Variants in HEATR5B observed in about 807,000 individuals in gnomAD.
The protein encoded by HEATR5B is HEAT repeat containing 5B.
HEATR5B carries 156 observed loss-of-function variants against 224.1 expected under a neutral mutation model. The observed-to-expected ratio is 0.70, with a 90% confidence interval of 0.61 to 0.80. HEATR5B has a LOEUF of 0.80. HEATR5B is among the 30% of genes least tolerant of loss of function. HEATR5B has a pLI of 0.00. For missense variants in HEATR5B, 2,323 were observed against 2,535.5 expected (o/e 0.92, Z 1.80); for synonymous variants, 1,027 against 893.0 (o/e 1.15, Z -2.68).
intron 33 of HEATR5B, among the ~76,000 whole-genome samples, chr2:36,996,577 C>T (rs13420311): frequency 0.51 from 77,007 of 151,574 alleles, 19,689 homozygotes; most frequent in South Asian, 0.56. Context: ...CCACCATGCC[C>T]GGCTAATTTT....
intron 24 of HEATR5B, among the ~76,000 whole-genome samples, chr2:37,022,567 G>A (rs1220673486): frequency 6.6e-6 from 1 of 152,202 alleles, no homozygotes; most frequent in Non-Finnish European, 1.5e-5. Context: ...TGAGTGTGCT[G>A]TGCTCCAATA....
intron 8 of HEATR5B, 82 bp downstream of exon 8, chr2:37,068,599 G>T: frequency 7.1e-7 from 1 of 1,406,076 alleles, no homozygotes; most frequent in Non-Finnish European, 9.8e-7. Flanking sequence ...AAACTAATCA[G>T]TCTTATGGAT....
intron 35 of HEATR5B, among the ~76,000 whole-genome samples, chr2:36,984,225 T>TATATATATATATATATATATATATATA (rs1242428169): frequency 2.4e-4 from 18 of 75,248 alleles, no homozygotes; most frequent in African/African-American, 1.1e-3. Context: ...AATATATATA[T>TATATATATATATATATATATATATATA]ATATATATAT....
At chr2:37,016,110 TTTC>T (rs1668098192) in intron 26 of HEATR5B, among the ~76,000 whole-genome samples, 1 of 134,810 alleles carries the variant, frequency 7.4e-6, no homozygotes, top group Non-Finnish European at 1.6e-5. Flanking sequence ...ATGTCCTTAC[TTTC>T]TTTTTTTTTT....
intron 33 of HEATR5B, among the ~76,000 whole-genome samples, chr2:36,997,270 G>C (rs1572758573): frequency 6.6e-6 from 1 of 151,868 alleles, no homozygotes; most frequent in Non-Finnish European, 1.5e-5. Flanking sequence ...CTGCAGGCTT[G>C]ATTTCTCGAA....
rs1347639139 is a variant in HEATR5B, at chr2:36,981,474, T to A, written c.*16A>T. On this transcript the variant is annotated 3_prime_UTR_variant, in exon 36 of 36. Coordinates refer to ENST00000233099, the MANE Select transcript of HEATR5B (RefSeq NM_019024.3). ...GGCTAGTTGACAACATAAATACAAA[T>A]AAATGAAATTACAAATTAAAAAAAA... is the stretch of plus-strand genomic sequence containing the variant. The A allele has an allele frequency of 6.3e-7, 1 of 1,587,680 alleles. No individual in the cohort carries two copies. Among genetic ancestry groups the A allele is most frequent in the East Asian group, 2.2e-5 (1 of 44,594 alleles).
In HEATR5B at chr2:37,058,184, C is replaced by G. The variant is rs1220296480; in HGVS notation, c.2059+267G>C. ...TTGGGTAAGTTAAGTTTCTTTAAGTCTCTCAATCTGAGATTCTTCATCTAT... is the reference window on the plus strand; with the variant it reads ...TTGGGTAAGTTAAGTTTCTTTAAGTGTCTCAATCTGAGATTCTTCATCTAT... On this transcript the variant is annotated intron_variant, in intron 14 of 35. Coordinates refer to ENST00000233099, the MANE Select transcript of HEATR5B (RefSeq NM_019024.3). 2.6e-5 allele frequency among the ~76,000 whole-genome samples: 4 copies of G among 152,128 alleles called. No homozygotes were observed. The East Asian group carries it at 7.7e-4, about 29-fold the overall frequency.
Position 36,984,213 on chromosome 2 carries a change from A to AT in HEATR5B, c.5912-2420_5912-2419insA, listed in dbSNP as rs1553411467. Among the ~76,000 whole-genome samples, 28 of 86,112 alleles carry AT rather than the reference A, an allele frequency of 3.3e-4. 1 individual carries two copies. The highest frequency in any genetic ancestry group is 2.7e-3 in the South Asian group (5 of 1,868). 56.5% of individuals were successfully genotyped at this position (86,112 alleles called of 152,430 possible). A position where few individuals can be genotyped will look rare whatever the true frequency, so the allele number is the denominator to read the frequency against. ...GAAACTCTGTCTCAAAAAAAAAAAA[A>AT]AAATATATATATATATATATATATA... On this transcript the variant is annotated intron_variant, in intron 35 of 35. Coordinates refer to ENST00000233099, the MANE Select transcript of HEATR5B (RefSeq NM_019024.3).
chr2:37,016,771 G>A (rs889369194), intron 26 of HEATR5B, among the ~76,000 whole-genome samples: 4 of 152,292 alleles, frequency 2.6e-5, no homozygotes, highest in South Asian at 2.1e-4. Flanking sequence ...CGTTTTAAAA[G>A]TGGAGAATAA....
At chr2:37,062,155 G>A (rs562066785) in intron 10 of HEATR5B, 105 bp from the exon 11 acceptor site, 26 of 672,796 alleles carry the variant, frequency 3.9e-5, no homozygotes, top group Middle Eastern at 2.8e-4. Context: ...GGCTGGATGC[G>A]GTGGCTCATG....
intron 26 of HEATR5B, among the ~76,000 whole-genome samples, chr2:37,016,681 A>G (rs1432840538): frequency 2.6e-5 from 4 of 152,232 alleles, no homozygotes; most frequent in Non-Finnish European, 4.4e-5. Flanking sequence ...CTGCCAAATA[A>G]ATGATTAAAA....
chr2:37,034,867 C>G (rs1417710773), intron 21 of HEATR5B, among the ~76,000 whole-genome samples: 1 of 152,084 alleles, frequency 6.6e-6, no homozygotes, highest in Non-Finnish European at 1.5e-5. Flanking sequence ...CAACAAAGTA[C>G]TTTATTTATT....
Position 37,056,600 on chromosome 2 carries a change from C to T in HEATR5B, c.2239G>A (p.Ala747Thr). 6.3e-7 allele frequency: 1 copy of T among 1,595,590 alleles called. No homozygotes were observed. Among genetic ancestry groups the T allele is most frequent in the Non-Finnish European group, 8.5e-7 (1 of 1,172,890 alleles). ...TGCTCCAGAGCCCCACTTCCAGAGG[C>T]ACTGTTTGGCTGGAGCTGCAAAAGA... Reference protein sequence around the residue: ...SIEDQLQPNSASGSGALEHDP... With the variant: ...SIEDQLQPNSTSGSGALEHDP... Residue 747 changes from alanine (A) to threonine (T), a missense_variant, in exon 16 of 36, where the codon GCC (alanine) becomes ACC (threonine). Around this residue, in one of 12 missense-constraint regions of HEATR5B, gnomAD observed 170 missense variants for 216.7 expected, o/e 0.78. Transcript: ENST00000233099.
At chr2:37,006,819 C>T (rs147664347) in intron 29 of HEATR5B, among the ~76,000 whole-genome samples, 8 of 152,080 alleles carry the variant, frequency 5.3e-5, no homozygotes, top group Admixed American at 2.6e-4. Context: ...GAAAATTGTT[C>T]GATATTGCTG....
intron 33 of HEATR5B, among the ~76,000 whole-genome samples, chr2:36,999,924 A>C (rs1666977892): frequency 6.6e-6 from 1 of 151,646 alleles, no homozygotes; most frequent in South Asian, 2.1e-4. Context: ...AGGCAGAAGA[A>C]TCACTTGAAC....
intron 22 of HEATR5B, among the ~76,000 whole-genome samples, chr2:37,032,011 G>A (rs1332249245): frequency 6.6e-6 from 1 of 151,988 alleles, no homozygotes; most frequent in African/African-American, 2.4e-5. Flanking sequence ...AGGAAGCAAA[G>A]ATCATCCTTT....
At chr2:37,053,033 C>G (rs1670659047) in intron 17 of HEATR5B, among the ~76,000 whole-genome samples, 1 of 152,070 alleles carries the variant, frequency 6.6e-6, no homozygotes, top group South Asian at 2.1e-4. Context: ...GTAGAAACTA[C>G]AACTCGAAAA....
In HEATR5B at chr2:37,064,842, C is replaced by T; in HGVS notation, c.1482G>A (p.Leu494=). The change falls in exon 10 of 36, where the codon TTG becomes TTA. Residue 494 remains leucine (L), a synonymous_variant. Coordinates refer to ENST00000233099, the MANE Select transcript of HEATR5B (RefSeq NM_019024.3). ...LDRCAERLNN[L]KTSPEAVSGY... ...CACTGACAGCTTCTGGTGAGGTCTT[C>T]AAGTTGTTGAGCCGTTCTGCACACC... is the stretch of plus-strand genomic sequence containing the variant. 1 of 1,614,080 alleles carries T rather than the reference C, an allele frequency of 6.2e-7. No individual in the cohort carries two copies. The highest frequency in any genetic ancestry group is 8.5e-7 in the Non-Finnish European group (1 of 1,180,014).
chr2:37,018,193 T>C (rs1419569167), intron 26 of HEATR5B, among the ~76,000 whole-genome samples: 1 of 148,668 alleles, frequency 6.7e-6, no homozygotes, highest in Non-Finnish European at 1.5e-5. Context: ...AAAAACTTCT[T>C]ATAAAAAAAA....
Sources: allele counts gnomAD v4.1 joint callset (sites outside exome capture counted in the v4.1 genomes callset), GRCh38; gene constraint gnomAD v4.1.1; regional missense constraint gnomAD v4.1.1; transcripts MANE v1.5; gene names NCBI Gene and HGNC (gene_info 2026-07-23, HGNC 2026-07-21).